NPFFR2: variants seen among roughly 807,000 people sequenced by gnomAD.
NPFFR2 encodes the protein neuropeptide FF receptor 2, also known as G-protein coupled receptor 74.
NPFFR2 carries 15 observed loss-of-function variants against 13.1 expected under a neutral mutation model. That is an observed-to-expected ratio of 1.15 (90% CI 0.77 to 1.76). The LOEUF (loss-of-function observed/expected upper bound fraction) is 1.76, where lower values mean the gene tolerates loss of function less well. Ranked by LOEUF, NPFFR2 falls within the 40% of genes most tolerant of loss-of-function variation. NPFFR2 has a pLI of 0.00. For synonymous variants in NPFFR2, 190 were observed against 175.7 expected (o/e 1.08, Z -0.65); for missense variants, 572 against 503.5 (o/e 1.14, Z -1.30).
intron 1 of NPFFR2, among the ~76,000 whole-genome samples, chr4:72,056,464 A>C (rs2109770406): frequency 6.6e-6 from 1 of 152,146 alleles, no homozygotes; most frequent in East Asian, 1.9e-4. Flanking sequence ...AAGAACTCTG[A>C]TAGAGATATA....
chr4:72,136,911 T>G (rs1474345488), intron 2 of NPFFR2, among the ~76,000 whole-genome samples: 1 of 152,218 alleles, frequency 6.6e-6, no homozygotes, highest in African/African-American at 2.4e-5. Context: ...CTTTAATTTC[T>G]AAGGATTTAT....
intron 1 of NPFFR2, among the ~76,000 whole-genome samples, chr4:72,038,407 T>C (rs1394090182): frequency 1.3e-5 from 2 of 152,238 alleles, no homozygotes; most frequent in Admixed American, 6.5e-5. Context: ...TAGTGCATAG[T>C]AGATACTCAG....
intron 1 of NPFFR2, among the ~76,000 whole-genome samples, chr4:72,110,149 G>A (rs72856198): frequency 0.034 from 5,209 of 151,976 alleles, 288 homozygotes; most frequent in African/African-American, 0.12. Flanking sequence ...AATCATAGGG[G>A]TGGTTACCCC....
chr4:72,088,049 A>G (rs1720815755), intron 1 of NPFFR2, among the ~76,000 whole-genome samples: 2 of 152,074 alleles, frequency 1.3e-5, no homozygotes, highest in Non-Finnish European at 2.9e-5. Context: ...GAGAGACCAA[A>G]TACCTCTTTT....
intron 1 of NPFFR2, among the ~76,000 whole-genome samples, chr4:72,034,720 A>T (rs1719000832): frequency 6.6e-6 from 1 of 152,160 alleles, no homozygotes; most frequent in Admixed American, 6.5e-5. Flanking sequence ...TTTAAGTTCC[A>T]GCTTTTTGGA....
Position 72,122,952 on chromosome 4 carries a change from A to G in NPFFR2, c.-7-5633A>G, listed in dbSNP as rs370012873. Among the ~76,000 whole-genome samples, 35 of 152,366 alleles carry G rather than the reference A, an allele frequency of 2.3e-4. 1 individual carries two copies. Among genetic ancestry groups the G allele is most frequent in the East Asian group, 1.2e-3 (6 of 5,190 alleles). ...ACATGAAAAACGCTTGAAAATATCA[A>G]TGAATCCAGGAGCTGGTTTTTTTGA... On this transcript the variant is annotated intron_variant, in intron 1 of 3. Transcript: ENST00000308744.
intron 1 of NPFFR2, among the ~76,000 whole-genome samples, chr4:72,090,146 T>G (rs958393143): frequency 6.6e-5 from 10 of 152,168 alleles, no homozygotes; most frequent in African/African-American, 2.4e-4. Flanking sequence ...GTATGTGGCT[T>G]TATTTCAGAG....
chr4:72,120,020 G>A (rs1255550470), intron 1 of NPFFR2, among the ~76,000 whole-genome samples: 3 of 152,172 alleles, frequency 2.0e-5, no homozygotes, highest in East Asian at 1.9e-4. Context: ...AGCAAGCTAA[G>A]ATCCACTGGC....
intron 1 of NPFFR2, among the ~76,000 whole-genome samples, chr4:72,124,477 G>C (rs1241904537): frequency 1.3e-5 from 2 of 150,728 alleles, no homozygotes; most frequent in African/African-American, 5.0e-5. Context: ...GGAGGCATCA[G>C]GCTACCTGAC....
chr4:72,045,475 T>C (rs79661049), intron 1 of NPFFR2, among the ~76,000 whole-genome samples: 10,168 of 152,270 alleles, frequency 0.067, 969 homozygotes, highest in East Asian at 0.47. Context: ...ACTTTTGCCT[T>C]TGCTCTGTTT....
At chr4:72,104,835 C>T (rs926009009) in intron 1 of NPFFR2, among the ~76,000 whole-genome samples, 1 of 151,656 alleles carries the variant, frequency 6.6e-6, no homozygotes, top group African/African-American at 2.4e-5. Flanking sequence ...CATTCATATA[C>T]ATTAATATGA....
chr4:72,097,694 C>G (rs1043591760), intron 1 of NPFFR2, among the ~76,000 whole-genome samples: 1 of 152,094 alleles, frequency 6.6e-6, no homozygotes, highest in Non-Finnish European at 1.5e-5. Context: ...ACACCCAAGT[C>G]CAGGGTGATA....
chr4:72,139,287 C>A (rs1484595795), intron 3 of NPFFR2, among the ~76,000 whole-genome samples: 2 of 152,158 alleles, frequency 1.3e-5, no homozygotes, highest in African/African-American at 2.4e-5. Context: ...TCTATTTTGG[C>A]TTTTGTTGCC....
At chr4:72,103,445 G>A (rs1721316463) in intron 1 of NPFFR2, among the ~76,000 whole-genome samples, 1 of 152,062 alleles carries the variant, frequency 6.6e-6, no homozygotes, top group African/African-American at 2.4e-5. Flanking sequence ...CCAATGCCTT[G>A]ATCTTGGACT....
At chr4:72,124,414 AC>A (rs1165391947) in intron 1 of NPFFR2, among the ~76,000 whole-genome samples, 1 of 152,152 alleles carries the variant, frequency 6.6e-6, no homozygotes, top group Non-Finnish European at 1.5e-5. Flanking sequence ...TTCATATGGA[AC>A]CAAAAAAGAG....
intron 1 of NPFFR2, among the ~76,000 whole-genome samples, chr4:72,123,094 G>C (rs905559829): frequency 6.6e-6 from 1 of 151,968 alleles, no homozygotes; most frequent in Non-Finnish European, 1.5e-5. Flanking sequence ...TATCATCACT[G>C]ATCCCACAGA....
At position 72,147,610 on chromosome 4, in the gene NPFFR2, A is replaced by C; in HGVS notation, c.1061A>C (p.Gln354Pro). The change falls in exon 4 of 4, where the codon CAA (glutamine) becomes CCA (proline). Residue 354 changes from glutamine (Q) to proline (P), a missense_variant. By Grantham distance (76) the Gln-to-Pro change is moderately conservative. Coordinates refer to ENST00000308744, the MANE Select transcript of NPFFR2 (RefSeq NM_004885.3). ...GAAGCTTTCCAGCTCCAGCTCTGCC[A>C]AAAAAGAGCAAAGCCTATGGAAGCT... ...FQEAFQLQLC[Q>P]KRAKPMEAYA... The C allele has an allele frequency of 6.2e-7, 1 of 1,614,158 alleles. No individual in the cohort carries two copies. Among genetic ancestry groups the C allele is most frequent in the Non-Finnish European group, 8.5e-7 (1 of 1,180,008 alleles).
At chr4:72,103,298 AT>A (rs1474228189) in intron 1 of NPFFR2, among the ~76,000 whole-genome samples, 1 of 152,114 alleles carries the variant, frequency 6.6e-6, no homozygotes, top group African/African-American at 2.4e-5. Flanking sequence ...ATGTGACAGC[AT>A]TGGCAGGAGG....
intron 1 of NPFFR2, among the ~76,000 whole-genome samples, chr4:72,090,639 G>A (rs1720893609): frequency 1.3e-5 from 2 of 151,984 alleles, no homozygotes; most frequent in South Asian, 4.1e-4. Flanking sequence ...GGTCACTGTT[G>A]GTGTTTAGCA....
Sources: allele counts gnomAD v4.1 joint callset (sites outside exome capture counted in the v4.1 genomes callset), GRCh38; gene constraint gnomAD v4.1.1; transcripts MANE v1.5; gene names NCBI Gene and HGNC (gene_info 2026-07-23, HGNC 2026-07-21).